FRY: variants seen among roughly 807,000 people sequenced by gnomAD.
The protein encoded by FRY is protein furry homolog.
In FRY, 128 loss-of-function variants were observed where a neutral mutation model predicts 348.4. The observed-to-expected ratio is 0.37, with a 90% CI of 0.32 to 0.43. FRY has a LOEUF of 0.43. Ranked by LOEUF, FRY falls within the 20% of genes least tolerant of loss-of-function variation. The probability of loss-of-function intolerance (pLI) is 1.00; values close to 1 mark genes in which losing one functional copy is unlikely to be tolerated. For missense variants in FRY, 2,736 were observed against 3,695.2 expected (o/e 0.74, Z 6.73); for synonymous variants, 1,370 against 1,374.7 (o/e 1.00, Z 0.08).
intron 58 of FRY, among the ~76,000 whole-genome samples, chr13:32,281,890 T>C (rs150088307): frequency 6.6e-6 from 1 of 152,356 alleles, no homozygotes; most frequent in African/African-American, 2.4e-5. Context: ...GTCTGGCCAC[T>C]GTGCATGCAG....
At chr13:32,289,987 T>G (rs915145255) in intron 59 of FRY, among the ~76,000 whole-genome samples, 1 of 152,188 alleles carries the variant, frequency 6.6e-6, no homozygotes, top group African/African-American at 2.4e-5. Context: ...GGAAGGAACC[T>G]TCTGTGGGTT....
At chr13:32,081,469 C>T (rs1316528113) in intron 2 of FRY, among the ~76,000 whole-genome samples, 1 of 152,122 alleles carries the variant, frequency 6.6e-6, no homozygotes, top group Non-Finnish European at 1.5e-5. Context: ...GGACTATAAG[C>T]GTGCACCACC....
At chr13:32,200,340 G>GT (rs1408596717) in intron 29 of FRY, among the ~76,000 whole-genome samples, 2 of 152,294 alleles carry the variant, frequency 1.3e-5, no homozygotes, top group East Asian at 3.9e-4. Context: ...CAACTAATAT[G>GT]TTTTTTCACC....
intron 4 of FRY, among the ~76,000 whole-genome samples, chr13:32,123,993 C>T (rs1233013881): frequency 6.6e-6 from 1 of 152,084 alleles, no homozygotes; most frequent in Non-Finnish European, 1.5e-5. Flanking sequence ...GGCTACCATG[C>T]CACCTGGCTA....
chr13:32,292,824 A>ATAAT (rs1390772339), intron 59 of FRY, among the ~76,000 whole-genome samples: 1 of 151,686 alleles, frequency 6.6e-6, no homozygotes, highest in Non-Finnish European at 1.5e-5. Flanking sequence ...AAATAAATAA[A>ATAAT]TAAAGCAAAC....
chr13:32,142,708 A>G (rs1281219620), intron 11 of FRY, among the ~76,000 whole-genome samples: 2 of 152,254 alleles, frequency 1.3e-5, no homozygotes, highest in Non-Finnish European at 2.9e-5. Flanking sequence ...TAGGTCCTGT[A>G]CAAATGAATC....
chr13:32,036,672 G>A lies in FRY; in HGVS notation c.70+4807G>A, dbSNP rs1056385814. Among the ~76,000 whole-genome samples, 4 of 151,232 alleles carry A rather than the reference G, an allele frequency of 2.6e-5. No homozygotes were observed. In the East Asian group the frequency reaches 5.8e-4, roughly 22 times the overall value. On this transcript the variant is annotated intron_variant, in intron 1 of 60. Transcript: ENST00000542859. ...ACCGGGACTGCCCTCAGCAAAGGAC[G>A]CCATATGACCACTCTGTTTATTATC...
At chr13:32,244,313 G>T in intron 47 of FRY, 131 bp downstream of exon 47, 1 of 844,868 alleles carries the variant, frequency 1.2e-6, no homozygotes. Context: ...GGCACAGCCA[G>T]GGCAGTTAAG....
At chr13:32,201,917 T>C in intron 29 of FRY, 24 bp from the exon 30 acceptor site, 1 of 1,255,146 alleles carries the variant, frequency 8.0e-7, no homozygotes, top group Non-Finnish European at 1.2e-6. Flanking sequence ...ATGCTTTTTT[T>C]GTTTTGTTCT....
chr13:32,086,026 C>A (rs765914560), intron 2 of FRY: 3 of 516,606 alleles, frequency 5.8e-6, no homozygotes, highest in Non-Finnish European at 1.2e-5. Flanking sequence ...ATTGTGAAGA[C>A]CTAGGCGGTA....
At position 32,147,840 on chromosome 13, in the gene FRY, C is replaced by A; in HGVS notation, c.1285C>A (p.Arg429=). The change falls in exon 13 of 61, where the codon CGA becomes AGA. Residue 429 remains arginine (R), a splice_region_variant and synonymous_variant. Coordinates refer to ENST00000542859, the MANE Select transcript of FRY (RefSeq NM_023037.3). ...TCTCTTTTCCCCCTTATCTTTCAGCCGACTTATAACCATCATCACAACACT... is the reference window on the plus strand; with the variant it reads ...TCTCTTTTCCCCCTTATCTTTCAGCAGACTTATAACCATCATCACAACACT... ...KCESNTATQS[R]LITIITTLFP... The A allele has an allele frequency of 1.3e-6, 2 of 1,582,846 alleles. No individual in the cohort carries two copies. The highest frequency in any genetic ancestry group is 1.7e-6 in the Non-Finnish European group (2 of 1,151,440).
At chr13:32,115,584 G>C (rs1006680963) in intron 3 of FRY, among the ~76,000 whole-genome samples, 5 of 152,110 alleles carry the variant, frequency 3.3e-5, no homozygotes, top group Admixed American at 1.3e-4. Flanking sequence ...ATACCAGTCA[G>C]ATATTTCTTC....
rs117441715 is a variant in FRY, at chr13:32,071,790, C to A, written c.71-7044C>A. On this transcript the variant is annotated intron_variant, in intron 1 of 60. Transcript: ENST00000542859. ...GTTTTAGTTAAGCAAAATGAATAAG[C>A]TCTAGTGATCTGCTATACAATTGTA... Among the ~76,000 whole-genome samples the A allele has an allele frequency of 4.2e-4, 64 of 152,094 alleles. 1 individual carries two copies. The East Asian group carries it at 0.011, about 25-fold the overall frequency.
chr13:32,296,262 C>T lies in FRY; in HGVS notation c.*802C>T, dbSNP rs2072061152. 2.6e-5 allele frequency: 4 copies of T among 152,482 alleles called. No homozygotes were observed. Among genetic ancestry groups the T allele is most frequent in the Non-Finnish European group, 4.4e-5 (3 of 68,026 alleles). 9.4% of individuals were successfully genotyped at this position (152,482 alleles called of 1,614,324 possible). A position where few individuals can be genotyped will look rare whatever the true frequency, so the allele number is the denominator to read the frequency against. On this transcript the variant is annotated 3_prime_UTR_variant, in exon 61 of 61. Coordinates refer to ENST00000542859, the MANE Select transcript of FRY (RefSeq NM_023037.3). ...GAGTGTTAATTTTAATTAACTTTGC[C>T]GTTTTGTAGAGAAAACTATTCACAA... is the stretch of plus-strand genomic sequence containing the variant.
rs1455158574 is a variant in FRY, at chr13:32,226,334, A to G, written c.5206+360A>G. ...ATAGTGACCCTTGCTACTGCCTGAG[A>G]GCAGGTCACAGCCAAGGTGCCGGAT... is the stretch of plus-strand genomic sequence containing the variant. On this transcript the variant is annotated intron_variant, in intron 39 of 60. Coordinates refer to ENST00000542859, the MANE Select transcript of FRY (RefSeq NM_023037.3). 4.6e-5 allele frequency among the ~76,000 whole-genome samples: 7 copies of G among 152,172 alleles called. 1 individual carries two copies. Among genetic ancestry groups the G allele is most frequent in the Admixed American group, 3.3e-4 (5 of 15,274 alleles).
At chr13:32,206,747 G>T (rs574091051) in intron 31 of FRY, among the ~76,000 whole-genome samples, 10 of 152,164 alleles carry the variant, frequency 6.6e-5, no homozygotes, top group Admixed American at 4.6e-4. Flanking sequence ...TAGCTTAGGG[G>T]AAATTACTTT....
intron 48 of FRY, among the ~76,000 whole-genome samples, chr13:32,249,244 G>C (rs940651463): frequency 6.6e-6 from 1 of 151,896 alleles, no homozygotes; most frequent in Non-Finnish European, 1.5e-5. Context: ...TGACTATTTG[G>C]TTTCCTGCAT....
Position 32,178,456 on chromosome 13 carries a change from TCCTCTGC to T in FRY, c.2681+26_2681+32del, listed in dbSNP as rs1211428656. On this transcript the variant is annotated intron_variant, in intron 21 of 60. Coordinates refer to ENST00000542859, the MANE Select transcript of FRY (RefSeq NM_023037.3). Reference sequence around the variant, plus strand: ...CCCAAAGTAAGGGATTCTTGTGTTTTCCTCTGCCCTCTTGTTTTTCCATTTGCCCTCT... The same window carrying T: ...CCCAAAGTAAGGGATTCTTGTGTTTTCCTCTTGTTTTTCCATTTGCCCTCT... 3 of 1,613,634 alleles carry T rather than the reference TCCTCTGC, an allele frequency of 1.9e-6. No homozygotes were observed. The Admixed American group carries it at 5.0e-5, about 27-fold the overall frequency.
rs367570872 is a variant in FRY at position 32,121,543 on chromosome 13, TA to T, written c.465-2742del. Among the ~76,000 whole-genome samples, 691 of 152,320 alleles carry T rather than the reference TA, an allele frequency of 4.5e-3. 3 individuals carry two copies. Among genetic ancestry groups the T allele is most frequent in the African/African-American group, 0.016 (666 of 41,574 alleles). On this transcript the variant is annotated intron_variant, in intron 4 of 60. Coordinates refer to ENST00000542859, the MANE Select transcript of FRY (RefSeq NM_023037.3). Reference sequence around the variant, plus strand: ...TCCCTGATCATTAGTCATGTTGAGATATTTTTTCATATGTTTGTTGGCCATT... The same window carrying T: ...TCCCTGATCATTAGTCATGTTGAGATTTTTTTCATATGTTTGTTGGCCATT...
Sources: allele counts gnomAD v4.1 joint callset (sites outside exome capture counted in the v4.1 genomes callset), GRCh38; gene constraint gnomAD v4.1.1; transcripts MANE v1.5; gene names NCBI Gene and HGNC (gene_info 2026-07-23, HGNC 2026-07-21).